Variants in ALK observed in about 807,000 individuals in gnomAD.
The protein encoded by ALK is ALK receptor tyrosine kinase.
Under a neutral mutation model 163.1 loss-of-function variants are expected in ALK, and 74 were observed. The ratio of observed to expected loss-of-function variants is 0.45; its 90% CI spans 0.38 to 0.55. The LOEUF (loss-of-function observed/expected upper bound fraction) is 0.55, where lower values mean the gene tolerates loss of function less well. Ranked by LOEUF, ALK falls within the 20% of genes least tolerant of loss-of-function variation. The pLI, the probability that ALK is intolerant of heterozygous loss-of-function variation, is 0.00. For missense variants in ALK, 2,063 were observed against 2,105.3 expected (o/e 0.98, Z 0.39); for synonymous variants, 960 against 843.2 (o/e 1.14, Z -2.40).
At chr2:29,610,351 A>C (rs571146941) in intron 3 of ALK, among the ~76,000 whole-genome samples, 50 of 152,264 alleles carry the variant, frequency 3.3e-4, no homozygotes, top group Admixed American at 7.8e-4. Flanking sequence ...AATGTATTGC[A>C]TACTCCAGAG....
intron 28 of ALK, 137 bp from the exon 29 acceptor site, chr2:29,194,059 C>T: frequency 5.9e-6 from 5 of 849,704 alleles, no homozygotes; most frequent in Non-Finnish European, 9.5e-6. Flanking sequence ...TAGTAACTTA[C>T]AGGCACTGGG....
intron 1 of ALK, among the ~76,000 whole-genome samples, chr2:29,829,170 T>G (rs1485144304): frequency 2.9e-4 from 19 of 65,576 alleles, no homozygotes; most frequent in East Asian, 1.1e-3. Context: ...TGTTGAGGGG[T>G]GGGGGGAGGG....
intron 4 of ALK, among the ~76,000 whole-genome samples, chr2:29,420,555 G>C (rs955128860): frequency 6.6e-6 from 1 of 151,416 alleles, no homozygotes; most frequent in Non-Finnish European, 1.5e-5. Context: ...AACACAGCTG[G>C]TTCAAAGGAG....
At chr2:29,577,504 G>C (rs918774000) in intron 3 of ALK, among the ~76,000 whole-genome samples, 4 of 152,290 alleles carry the variant, frequency 2.6e-5, no homozygotes, top group Non-Finnish European at 5.9e-5. Flanking sequence ...TGCATGGGAA[G>C]GGATGGGACC....
chr2:29,560,901 G>A (rs1400942148), intron 3 of ALK, among the ~76,000 whole-genome samples: 1 of 151,092 alleles, frequency 6.6e-6, no homozygotes, highest in African/African-American at 2.4e-5. Context: ...AAAAATTATT[G>A]ATTTTTTTTT....
intron 1 of ALK, among the ~76,000 whole-genome samples, chr2:29,792,027 T>C (rs1275565806): frequency 1.3e-5 from 2 of 152,228 alleles, no homozygotes; most frequent in South Asian, 2.1e-4. Context: ...TGTCCATGTA[T>C]AGGTTTAAAC....
chr2:29,688,443 C>G (rs571018993), intron 3 of ALK, among the ~76,000 whole-genome samples: 3 of 152,236 alleles, frequency 2.0e-5, no homozygotes, highest in East Asian at 1.9e-4. Context: ...GTTAGGCACA[C>G]AAAAGTGCAT....
chr2:29,844,498 T>C (rs1338669901), intron 1 of ALK, among the ~76,000 whole-genome samples: 5 of 152,214 alleles, frequency 3.3e-5, no homozygotes, highest in African/African-American at 4.8e-5. Context: ...TAAAAAGGCC[T>C]GTAAACCTCT....
chr2:29,314,377 C>A (rs1666771992), intron 8 of ALK, among the ~76,000 whole-genome samples: 1 of 152,098 alleles, frequency 6.6e-6, no homozygotes, highest in Admixed American at 6.5e-5. Context: ...CACAGCAGCT[C>A]CCCACAGCTA....
At position 29,874,349 on chromosome 2, in the gene ALK, C is replaced by G. The variant is rs141047996; in HGVS notation, c.667+45644G>C. On this transcript the variant is annotated intron_variant, in intron 1 of 28. Transcript: ENST00000389048. Reference sequence around the variant, plus strand: ...AAAGGCTGACATAGTTGAAATAAACCTTGGCAATGACAAGCTAAACCCAAA... The same window carrying G: ...AAAGGCTGACATAGTTGAAATAAACGTTGGCAATGACAAGCTAAACCCAAA... Among the ~76,000 whole-genome samples the G allele has an allele frequency of 2.2e-3, 331 of 151,528 alleles. 3 individuals carry two copies. The highest frequency in any genetic ancestry group is 7.7e-3 in the African/African-American group (316 of 41,212).
chr2:29,670,495 T>C (rs1677648103), intron 3 of ALK, among the ~76,000 whole-genome samples: 1 of 152,032 alleles, frequency 6.6e-6, no homozygotes, highest in Non-Finnish European at 1.5e-5. Flanking sequence ...TACCTTGGTG[T>C]GGTCTTATTT....
At chr2:29,840,643 T>C (rs906692079) in intron 1 of ALK, among the ~76,000 whole-genome samples, 2 of 152,232 alleles carry the variant, frequency 1.3e-5, no homozygotes, top group African/African-American at 4.8e-5. Flanking sequence ...ATGGCTGCAG[T>C]ATGGCTATAT....
At chr2:29,412,345 G>A (rs1669744573) in intron 4 of ALK, among the ~76,000 whole-genome samples, 3 of 152,228 alleles carry the variant, frequency 2.0e-5, no homozygotes, top group Non-Finnish European at 4.4e-5. Flanking sequence ...TGCTCCTGTA[G>A]TACAGTGGCG....
At chr2:29,232,905 AC>A (rs897055528) in intron 14 of ALK, among the ~76,000 whole-genome samples, 2 of 152,128 alleles carry the variant, frequency 1.3e-5, no homozygotes, top group African/African-American at 4.8e-5. Context: ...CTGTGGGAGG[AC>A]CTAGCAGGTG....
At chr2:29,229,891 G>A (rs936960211) in intron 15 of ALK, among the ~76,000 whole-genome samples, 8 of 152,164 alleles carry the variant, frequency 5.3e-5, no homozygotes, top group Non-Finnish European at 1.2e-4. Context: ...GGCAACAAAG[G>A]CAGCCTCAGG....
In ALK at chr2:29,564,791, C is replaced by T. The variant is rs566336296; in HGVS notation, c.953-32675G>A. On this transcript the variant is annotated intron_variant, in intron 3 of 28. Coordinates refer to ENST00000389048, the MANE Select transcript of ALK (RefSeq NM_004304.5). ...GGCTGAGCCACTCTTGTCATCTTTC[C>T]GTTGTTGCTTTATTTTTAGTGTGTT... Among the ~76,000 whole-genome samples, 11 of 152,234 alleles carry T rather than the reference C, an allele frequency of 7.2e-5. No individual in the cohort carries two copies. The East Asian group carries it at 1.2e-3, about 16-fold the overall frequency.
chr2:29,603,397 G>T (rs1435055088), intron 3 of ALK, among the ~76,000 whole-genome samples: 1 of 152,094 alleles, frequency 6.6e-6, no homozygotes, highest in African/African-American at 2.4e-5. Context: ...TTCTTTCAGG[G>T]CCTGCTCTCT....
At chr2:29,474,152 A>T (rs1446790779) in intron 4 of ALK, among the ~76,000 whole-genome samples, 1 of 152,252 alleles carries the variant, frequency 6.6e-6, no homozygotes, top group African/African-American at 2.4e-5. Flanking sequence ...GTATGTTTAT[A>T]CAATGAAATA....
chr2:29,457,756 TTACA>T (rs1670992696), intron 4 of ALK, among the ~76,000 whole-genome samples: 1 of 152,170 alleles, frequency 6.6e-6, no homozygotes, highest in South Asian at 2.1e-4. Context: ...ACTGGGTGTT[TTACA>T]TACATTATTT....
Sources: gnomAD v4.1 joint callset for allele counts (sites outside exome capture counted in the v4.1 genomes callset) on GRCh38, gnomAD v4.1.1 for gene constraint, MANE v1.5 for transcripts, NCBI Gene and HGNC (gene_info 2026-07-23, HGNC 2026-07-21) for gene names.